Variants in PGBD5 observed in about 807,000 individuals in gnomAD.
PGBD5 encodes the protein piggyBac transposable element derived 5, also known as piggyBac transposable element-derived protein 5.
PGBD5 carries 14 observed loss-of-function variants against 47.9 expected under a neutral mutation model. The observed-to-expected ratio is 0.29, with a 90% CI of 0.19 to 0.46. The LOEUF (loss-of-function observed/expected upper bound fraction) is 0.46. Among genes scored for constraint, PGBD5 ranks in the 20% least tolerant of loss-of-function variants. PGBD5 has a pLI of 1.00. For missense variants in PGBD5, 635 were observed against 716.0 expected (o/e 0.89, Z 1.29); for synonymous variants, 316 against 306.3 (o/e 1.03, Z -0.33).
At position 230,401,732 on chromosome 1, in the gene PGBD5, G is replaced by A. The variant is rs1184063234; in HGVS notation, c.331+23866C>T. On this transcript the variant is annotated intron_variant, in intron 1 of 6. Coordinates refer to ENST00000391860, the MANE Select transcript of PGBD5 (RefSeq NM_001258311.2). Reference sequence around the variant, plus strand: ...AGCCCTCAGGCCTCCGGCCACATTCGCTGACCTCTAGTCACTGGGCTTCCT... The same window carrying A: ...AGCCCTCAGGCCTCCGGCCACATTCACTGACCTCTAGTCACTGGGCTTCCT... Among the ~76,000 whole-genome samples the A allele has an allele frequency of 2.0e-5, 3 of 152,172 alleles. No homozygotes were observed. The East Asian group carries it at 5.8e-4, about 29-fold the overall frequency.
chr1:230,326,481 T>C (rs1256028826), intron 5 of PGBD5, among the ~76,000 whole-genome samples: 1 of 152,136 alleles, frequency 6.6e-6, no homozygotes, highest in Non-Finnish European at 1.5e-5. Flanking sequence ...TTTTTAGATA[T>C]GAGGTCTTGC....
rs1359268908 is a variant in PGBD5, at chr1:230,357,273, T to C, written c.380A>G (p.Gln127Arg). ...PPSASAVDFF[Q>R]LFVPDNVLKN... ...GAGGACGTTGTCTGGGACAAAGAGC[T>C]GGAAGAAGTCCACGGCACTGGCGCT... is the stretch of plus-strand genomic sequence containing the variant. The change falls in exon 2 of 7, where the codon CAG (glutamine) becomes CGG (arginine). Residue 127 changes from glutamine to arginine, a missense_variant. Transcript: ENST00000391860. This position sits in a 1 kb window ranked among gnomAD's most constrained non-coding sequence, Gnocchi z 5.7. 3.1e-6 allele frequency: 5 copies of C among 1,614,088 alleles called. No homozygotes were observed. Among genetic ancestry groups the C allele is most frequent in the Non-Finnish European group, 4.2e-6 (5 of 1,180,024 alleles).
chr1:230,352,950 CT>C (rs1258834451), intron 2 of PGBD5, among the ~76,000 whole-genome samples: 2 of 152,178 alleles, frequency 1.3e-5, no homozygotes, highest in African/African-American at 4.8e-5. Context: ...CTCTCTCATT[CT>C]CTTCAGAAAG....
intron 1 of PGBD5, among the ~76,000 whole-genome samples, chr1:230,361,463 G>T (rs758617352): frequency 1.3e-5 from 2 of 151,900 alleles, no homozygotes; most frequent in Non-Finnish European, 2.9e-5. Flanking sequence ...TTCCCCCACC[G>T]CACCAGGCCA....
At chr1:230,412,391 T>C (rs1023850539) in intron 1 of PGBD5, among the ~76,000 whole-genome samples, 1 of 149,374 alleles carries the variant, frequency 6.7e-6, no homozygotes, top group Non-Finnish European at 1.5e-5. Context: ...TAAAGTCTTT[T>C]TTTTTTTTTT....
At chr1:230,347,476 C>CTTTTTTTTTTTTT (rs71733326) in intron 3 of PGBD5, among the ~76,000 whole-genome samples, 5 of 113,446 alleles carry the variant, frequency 4.4e-5, no homozygotes, top group Non-Finnish European at 7.1e-5. Flanking sequence ...ATTTTCTTTT[C>CTTTTTTTTTTTTT]TTTTTTTTTT....
intron 1 of PGBD5, among the ~76,000 whole-genome samples, chr1:230,364,831 G>A (rs1387955910): frequency 1.3e-5 from 2 of 151,764 alleles, no homozygotes; most frequent in East Asian, 3.9e-4. Flanking sequence ...GACCAGCCTG[G>A]CCAACATGGT....
chr1:230,367,958 AGCTCAAGGTCCTGCAAGCTG>A, intron 1 of PGBD5: 1 of 1,366,154 alleles, frequency 7.3e-7, no homozygotes, highest in Non-Finnish European at 9.8e-7. Context: ...CACACCAAGG[AGCTCAAGGTCCTGCAAGCTG>A]GACACCAAGG....
chr1:230,396,629 A>C (rs955073536), intron 1 of PGBD5, among the ~76,000 whole-genome samples: 8 of 140,952 alleles, frequency 5.7e-5, no homozygotes, highest in Non-Finnish European at 1.2e-4. Flanking sequence ...CTCAACCCAG[A>C]GACACACCTA....
chr1:230,325,262 G>T, intron 6 of PGBD5, 48 bp downstream of exon 6: 1 of 1,360,978 alleles, frequency 7.3e-7, no homozygotes, highest in South Asian at 1.2e-5. Flanking sequence ...CTTCCGAGAC[G>T]GCACAACTAT....
intron 1 of PGBD5, among the ~76,000 whole-genome samples, chr1:230,393,796 G>A (rs1255479753): frequency 7.1e-6 from 1 of 140,522 alleles, no homozygotes; most frequent in Non-Finnish European, 1.5e-5. Context: ...CAGCACTCCC[G>A]CCTGGGCGAC....
intron 1 of PGBD5, among the ~76,000 whole-genome samples, chr1:230,400,344 C>T (rs1456973447): frequency 2.6e-5 from 4 of 151,898 alleles, no homozygotes; most frequent in Admixed American, 6.6e-5. Context: ...CCCTCCCCCA[C>T]ACTCTCAAGC....
chr1:230,362,503 T>C lies in PGBD5; in HGVS notation c.332-5182A>G, dbSNP rs1558200032. ...AAGCCCTCCTGGGGCTCCAGCTTCA[T>C]GAAGCATCACCTTCTGGGGGAACCT... On this transcript the variant is annotated intron_variant, in intron 1 of 6. Coordinates refer to ENST00000391860, the MANE Select transcript of PGBD5 (RefSeq NM_001258311.2). 5.1e-6 allele frequency: 6 copies of C among 1,177,572 alleles called. 1 individual carries two copies. The South Asian group carries it at 7.8e-5, about 15-fold the overall frequency. 72.9% of individuals were successfully genotyped at this position (1,177,572 alleles called of 1,614,324 possible). A position where few individuals can be genotyped will look rare whatever the true frequency, so the allele number is the denominator to read the frequency against.
At chr1:230,348,810 G>A (rs1667518227) in intron 3 of PGBD5, among the ~76,000 whole-genome samples, 1 of 152,202 alleles carries the variant, frequency 6.6e-6, no homozygotes, top group African/African-American at 2.4e-5. Context: ...GGCTGAGAAA[G>A]TTCTCATGCC....
At chr1:230,389,820 G>T (rs1413907105) in intron 1 of PGBD5, among the ~76,000 whole-genome samples, 1 of 152,226 alleles carries the variant, frequency 6.6e-6, no homozygotes, top group Non-Finnish European at 1.5e-5. Context: ...ACACTATTTA[G>T]AATGTATAGG....
At chr1:230,402,805 T>C (rs908249831) in intron 1 of PGBD5, among the ~76,000 whole-genome samples, 9 of 152,202 alleles carry the variant, frequency 5.9e-5, no homozygotes, top group Admixed American at 5.9e-4. Context: ...TTTTAATATG[T>C]CTCAATGATT....
chr1:230,423,862 T>C (rs540427859), intron 1 of PGBD5, among the ~76,000 whole-genome samples: 71 of 152,208 alleles, frequency 4.7e-4, no homozygotes, highest in Non-Finnish European at 7.5e-4. Flanking sequence ...AATTTGAACC[T>C]AACGCTAAAT....
chr1:230,342,326 G>A (rs1454894083), intron 3 of PGBD5, among the ~76,000 whole-genome samples: 1 of 152,250 alleles, frequency 6.6e-6, no homozygotes, highest in Non-Finnish European at 1.5e-5. Flanking sequence ...CAGCACAGAA[G>A]AGAATCAATT....
rs1207206559 is a variant in PGBD5 at position 230,357,052 on chromosome 1, G to C, written c.601C>G (p.Leu201Val). ...GGFYSNRSLA[L>V]VMSQARFEKI... ...TCGAAGCGGGCCTGGCTCATGACGA[G>C]GGCGAGGCTGCGGTTGCTGTAGAAG... is the stretch of plus-strand genomic sequence containing the variant. The change falls in exon 2 of 7, where the codon CTC (leucine) becomes GTC (valine). Residue 201 changes from leucine to valine, a missense_variant. Leu to Val is a conservative substitution (Grantham distance 32). Transcript: ENST00000391860. This position sits in a 1 kb window ranked among gnomAD's most constrained non-coding sequence, Gnocchi z 5.7. The C allele has an allele frequency of 3.1e-6, 5 of 1,614,048 alleles. No individual in the cohort carries two copies. Among genetic ancestry groups the C allele is most frequent in the Non-Finnish European group, 4.2e-6 (5 of 1,180,042 alleles).
Sources: allele counts gnomAD v4.1 joint callset (sites outside exome capture counted in the v4.1 genomes callset), GRCh38; gene constraint gnomAD v4.1.1; non-coding constraint Gnocchi (gnomAD v3.1); transcripts MANE v1.5; gene names NCBI Gene and HGNC (gene_info 2026-07-23, HGNC 2026-07-21).